Variants in LARGE1 observed in about 807,000 individuals in gnomAD.
The protein encoded by LARGE1 is xylosyl- and glucuronyltransferase LARGE1.
LARGE1 carries 43 observed loss-of-function variants against 87.6 expected under a neutral mutation model. The ratio of observed to expected loss-of-function variants is 0.49; its 90% CI spans 0.38 to 0.63. The LOEUF is 0.63. Among genes scored for constraint, LARGE1 ranks in the 30% least tolerant of loss-of-function variants. The probability of loss-of-function intolerance (pLI) is 0.00; values close to 1 mark genes in which losing one functional copy is unlikely to be tolerated. For missense variants in LARGE1, 802 were observed against 1,000.2 expected, an observed-to-expected ratio of 0.80 and a Z score of 2.67; for synonymous variants, 434 against 394.6, an observed-to-expected ratio of 1.10 and a Z score of -1.18.
At chr22:33,561,198 ACAAACACT>A (rs2077848328) in intron 6 of LARGE1, among the ~76,000 whole-genome samples, 1 of 152,192 alleles carries the variant, frequency 6.6e-6, no homozygotes, top group Admixed American at 6.5e-5. Flanking sequence ...CCTCTGTTTT[ACAAACACT>A]CATTTAGCCA....
At chr22:33,835,245 C>A in intron 1 of LARGE1, among the ~76,000 whole-genome samples, 1 of 152,200 alleles carries the variant, frequency 6.6e-6, no homozygotes, top group Non-Finnish European at 1.5e-5. Flanking sequence ...CAATATGTGG[C>A]ATTTTTAAGT....
intron 6 of LARGE1, among the ~76,000 whole-genome samples, chr22:33,475,049 C>A (rs2069012201): frequency 6.6e-6 from 1 of 152,112 alleles, no homozygotes; most frequent in Non-Finnish European, 1.5e-5. Flanking sequence ...AGGACATGCA[C>A]CAGGGAGGGG....
At position 33,604,621 on chromosome 22, in the gene LARGE1, A is replaced by T. The variant is rs150438640; in HGVS notation, c.492-63T>A. 927 of 1,602,740 alleles carry T rather than the reference A, an allele frequency of 5.8e-4. 6 individuals are homozygous for T. The African/African-American group carries it at 0.011, about 19-fold the overall frequency. ...GTACGGCTCTTTGAATTACAGCTGCAAAAACACACTCTTCACAGTTCCTAC... is the reference window on the plus strand; with the variant it reads ...GTACGGCTCTTTGAATTACAGCTGCTAAAACACACTCTTCACAGTTCCTAC... On this transcript the variant is annotated intron_variant, in intron 4 of 14. Coordinates refer to ENST00000397394, the MANE Select transcript of LARGE1 (RefSeq NM_133642.5).
chr22:33,090,890 C>T, the LARGE1 span, among the ~76,000 whole-genome samples: 33 of 152,168 alleles, frequency 2.2e-4, no homozygotes, highest in African/African-American at 7.7e-4. Flanking sequence ...TTCTTGGACA[C>T]CTGGTGATAG....
intron 7 of LARGE1, among the ~76,000 whole-genome samples, chr22:33,384,519 G>A (rs1438717343): frequency 8.0e-6 from 1 of 125,158 alleles, no homozygotes; most frequent in Non-Finnish European, 1.9e-5. Flanking sequence ...ATACACCTGG[G>A]TTCAAGCCTA....
chr22:33,322,122 C>T (rs1433524980), intron 10 of LARGE1, among the ~76,000 whole-genome samples: 2 of 152,008 alleles, frequency 1.3e-5, no homozygotes, highest in African/African-American at 2.4e-5. Flanking sequence ...TCTGGCCTCT[C>T]CTTCTCTTTA....
chr22:33,325,208 T>A (rs1431555900), intron 10 of LARGE1, among the ~76,000 whole-genome samples: 2 of 152,210 alleles, frequency 1.3e-5, no homozygotes, highest in Non-Finnish European at 2.9e-5. Context: ...ACTCAACACA[T>A]GTATTTCACA....
chr22:33,433,478 C>T (rs1236590862), intron 6 of LARGE1, among the ~76,000 whole-genome samples: 1 of 151,880 alleles, frequency 6.6e-6, no homozygotes, highest in Middle Eastern at 3.2e-3. Flanking sequence ...CACCTGTAGT[C>T]CCAGCTACTT....
chr22:33,333,256 G>A (rs1601485695), intron 10 of LARGE1, among the ~76,000 whole-genome samples: 1 of 151,988 alleles, frequency 6.6e-6, no homozygotes, highest in African/African-American at 2.4e-5. Flanking sequence ...CTGACCTCAT[G>A]ATCCGCCCAC....
intron 5 of LARGE1, among the ~76,000 whole-genome samples, chr22:33,578,861 A>G (rs1283994750): frequency 6.6e-6 from 1 of 152,212 alleles, no homozygotes; most frequent in East Asian, 1.9e-4. Context: ...TGACTACTAG[A>G]TTGAGCTCAT....
intron 11 of LARGE1, among the ~76,000 whole-genome samples, chr22:33,174,033 T>C (rs2146144914): frequency 6.6e-6 from 1 of 152,312 alleles, no homozygotes; most frequent in East Asian, 1.9e-4. Context: ...ATCAACAGAA[T>C]ATAGATTCTT....
chr22:33,295,867 C>T (rs1050945207), intron 12 of LARGE1, among the ~76,000 whole-genome samples: 1 of 152,136 alleles, frequency 6.6e-6, no homozygotes. Context: ...GAGCAAGATC[C>T]GGTGATTCCT....
chr22:33,475,243 C>T (rs1450271857), intron 6 of LARGE1, among the ~76,000 whole-genome samples: 1 of 152,196 alleles, frequency 6.6e-6, no homozygotes, highest in African/African-American at 2.4e-5. Context: ...ATTTGCATCA[C>T]TTTACCAGTC....
At chr22:33,125,031 TTC>T in the LARGE1 span, among the ~76,000 whole-genome samples, 1 of 152,192 alleles carries the variant, frequency 6.6e-6, no homozygotes, top group Non-Finnish European at 1.5e-5. Flanking sequence ...TAAGAGGCAG[TTC>T]TACTCAGAAA....
intron 11 of LARGE1, chr22:33,305,717 C>T: frequency 2.5e-6 from 1 of 406,500 alleles, no homozygotes; most frequent in Non-Finnish European, 3.3e-6. Flanking sequence ...TTAAGTGGCA[C>T]TGCCCAGATT....
the LARGE1 span, among the ~76,000 whole-genome samples, chr22:33,077,516 G>T: frequency 6.6e-6 from 1 of 152,104 alleles, no homozygotes; most frequent in Non-Finnish European, 1.5e-5. Context: ...GATATGAAAG[G>T]GGCATTTTCT....
chr22:33,785,128 T>C (rs199712665), intron 1 of LARGE1, among the ~76,000 whole-genome samples: 4,379 of 60,162 alleles, frequency 0.073, 82 homozygotes, highest in East Asian at 0.092. Flanking sequence ...TATATGCATA[T>C]ATGTGTATAC....
chr22:33,607,198 A>G (rs548599428), intron 4 of LARGE1, among the ~76,000 whole-genome samples: 1 of 152,288 alleles, frequency 6.6e-6, no homozygotes, highest in East Asian at 1.9e-4. Flanking sequence ...GCCGTGGCTC[A>G]TACCCGTAAT....
At position 33,650,260 on chromosome 22, in the gene LARGE1, G is replaced by C; in HGVS notation, c.408+107C>G. On this transcript the variant is annotated intron_variant, in intron 3 of 14. Coordinates refer to ENST00000397394, the MANE Select transcript of LARGE1 (RefSeq NM_133642.5). ...ACTTACACACCCGGGCTAGAATCAA[G>C]AATGCCAGCTCTTGGCATCTGGCTG... The C allele has an allele frequency of 5.0e-6, 7 of 1,386,752 alleles. No individual in the cohort carries two copies. In the South Asian group the frequency reaches 7.0e-5, roughly 14 times the overall value. The allele number at this position is 1,386,752 out of a possible 1,614,324, so 85.9% of individuals were successfully genotyped here.
Sources: allele counts gnomAD v4.1 joint callset (sites outside exome capture counted in the v4.1 genomes callset), GRCh38; gene constraint gnomAD v4.1.1; transcripts MANE v1.5; gene names NCBI Gene and HGNC (gene_info 2026-07-23, HGNC 2026-07-21).